Variants in SYTL5 observed in about 807,000 individuals in gnomAD.
SYTL5 encodes synaptotagmin like 5.
In SYTL5, 34 loss-of-function variants were observed where a neutral mutation model predicts 55.9. The ratio of observed to expected loss-of-function variants is 0.61; its 90% CI spans 0.46 to 0.81. The LOEUF is 0.81. Ranked by LOEUF, SYTL5 falls within the 30% of genes least tolerant of loss-of-function variation. The pLI is 0.00. For synonymous variants in SYTL5, 221 were observed against 188.7 expected, an observed-to-expected ratio of 1.17 and a Z score of -1.40; for missense variants, 637 against 546.7, an observed-to-expected ratio of 1.17 and a Z score of -1.65.
chrX:38,118,928 TATATATATATATGTACGCATATAC>T (rs1937535692), intron 13 of SYTL5, among the ~76,000 whole-genome samples: 1 of 93,894 alleles, frequency 1.1e-5, no homozygotes, highest in African/African-American at 4.1e-5. Flanking sequence ...CTAATATATA[TATATATATATATGTACGCATATAC>T]ATATATATAT....
At chrX:37,981,765 A>G in the SYTL5 span, among the ~76,000 whole-genome samples, 1 of 111,350 alleles carries the variant, frequency 9.0e-6, no homozygotes, top group Admixed American at 9.5e-5. Flanking sequence ...AGAGAAAAAG[A>G]GAGCTCTGCC....
At chrX:38,001,628 A>T (rs761204059), upstream of SYTL5, among the ~76,000 whole-genome samples, 4 of 111,506 alleles carry the variant, frequency 3.6e-5, no homozygotes, top group South Asian at 1.5e-3. Context: ...AAATGATAGG[A>T]TCTCATTCTT....
the SYTL5 span, among the ~76,000 whole-genome samples, chrX:37,911,270 C>A: frequency 9.0e-6 from 1 of 111,098 alleles, no homozygotes; most frequent in African/African-American, 3.3e-5. Flanking sequence ...CTGTGCCCGG[C>A]CAGCATTACA....
At chrX:37,944,265 G>C in the SYTL5 span, among the ~76,000 whole-genome samples, 1 of 109,980 alleles carries the variant, frequency 9.1e-6, no homozygotes, top group Non-Finnish European at 1.9e-5. Context: ...GGTCTGTTTT[G>C]GAAATGATGT....
rs186640526 is a variant in SYTL5 at position 38,072,574 on chromosome X, G to C, written c.445+412G>C. On this transcript the variant is annotated intron_variant, in intron 4 of 16. Coordinates refer to ENST00000297875, the MANE Select transcript of SYTL5 (RefSeq NM_138780.3). The stretch of plus-strand genomic sequence containing the variant: ...TTCAATGTTACTTTTTAAATCCAGT[G>C]GTTCTCAATCAAAGATTGATAATAT... Among the ~76,000 whole-genome samples the C allele has an allele frequency of 1.1e-4, 12 of 111,906 alleles. No homozygotes were observed. The Admixed American group carries it at 1.1e-3, about 11-fold the overall frequency.
chrX:37,945,108 G>T, the SYTL5 span, among the ~76,000 whole-genome samples: 5 of 112,936 alleles, frequency 4.4e-5, no homozygotes, highest in Non-Finnish European at 9.4e-5. Context: ...AGAGATATAG[G>T]TATAGTAATT....
the SYTL5 span, among the ~76,000 whole-genome samples, chrX:37,968,595 T>TA: frequency 8.9e-6 from 1 of 111,804 alleles, no homozygotes; most frequent in South Asian, 3.8e-4. Flanking sequence ...ATATCACAGT[T>TA]ATCATAAATC....
chrX:38,027,240 T>C lies in SYTL5; in HGVS notation c.-356-6294T>C, dbSNP rs913620497. Among the ~76,000 whole-genome samples, 12 of 112,252 alleles carry C rather than the reference T, an allele frequency of 1.1e-4. No individual in the cohort carries two copies. The East Asian group carries it at 3.3e-3, about 31-fold the overall frequency. ...TTACACAAAGAGTACAACTGCAATATATTCCACAACAGTAAAGCAAAATAA... is the reference window on the plus strand; with the variant it reads ...TTACACAAAGAGTACAACTGCAATACATTCCACAACAGTAAAGCAAAATAA... On this transcript the variant is annotated intron_variant, in intron 1 of 16. Transcript: ENST00000297875.
At chrX:38,120,075 G>A (rs1937552890) in intron 13 of SYTL5, among the ~76,000 whole-genome samples, 1 of 111,935 alleles carries the variant, frequency 8.9e-6, no homozygotes, top group Non-Finnish European at 1.9e-5. Flanking sequence ...ATGCATCACA[G>A]GTGCTCAATA....
At chrX:37,997,777 G>A in the SYTL5 span, among the ~76,000 whole-genome samples, 2 of 112,536 alleles carry the variant, frequency 1.8e-5, no homozygotes, top group Admixed American at 1.9e-4. Context: ...GGCCAGGAAG[G>A]GCCTGAAAGC....
At chrX:38,000,804 G>A in the SYTL5 span, among the ~76,000 whole-genome samples, 2 of 111,597 alleles carry the variant, frequency 1.8e-5, no homozygotes, top group Non-Finnish European at 3.8e-5. Flanking sequence ...GATGGAGTGG[G>A]AACGTGGTTT....
chrX:37,977,714 A>G, the SYTL5 span, among the ~76,000 whole-genome samples: 5 of 106,220 alleles, frequency 4.7e-5, no homozygotes, highest in South Asian at 2.2e-3. Context: ...ACACACACAC[A>G]CACACACACA....
the SYTL5 span, chrX:37,906,592 G>A: frequency 9.0e-6 from 1 of 111,666 alleles, no homozygotes; most frequent in Admixed American, 9.5e-5. Flanking sequence ...TCCAGCCCAG[G>A]ACATGCCAGC....
At chrX:37,973,748 C>T in the SYTL5 span, among the ~76,000 whole-genome samples, 1 of 110,567 alleles carries the variant, frequency 9.0e-6, no homozygotes, top group African/African-American at 3.3e-5. Context: ...GATTCTCCTG[C>T]CTCAGCCTCC....
chrX:38,125,484 A>G lies in SYTL5; in HGVS notation c.2028A>G (p.Gly676=). ...TTTCCAGCAACATCTTTCTGGGAGG[A>G]GTTCGTTTGAATTCTGGAAGTGGTG... ...EAFSSNIFLG[G]VRLNSGSGVS... The change falls in exon 16 of 17, where the codon GGA becomes GGG. Residue 676 remains glycine (G), a synonymous_variant. Transcript: ENST00000297875. 8.3e-7 allele frequency: 1 copy of G among 1,210,782 alleles called. No individual in the cohort carries two copies. Among genetic ancestry groups the G allele is most frequent in the Non-Finnish European group, 1.1e-6 (1 of 894,843 alleles).
At chrX:37,898,930 G>A in the SYTL5 span, among the ~76,000 whole-genome samples, 4 of 111,678 alleles carry the variant, frequency 3.6e-5, no homozygotes, top group African/African-American at 9.8e-5. Context: ...TCACCTAAGA[G>A]CCCACATTCT....
intron 1 of SYTL5, among the ~76,000 whole-genome samples, chrX:38,031,211 G>A (rs1016043287): frequency 1.2e-4 from 13 of 111,801 alleles, no homozygotes; most frequent in African/African-American, 4.2e-4. Flanking sequence ...ACTTGATAGA[G>A]TTTTGGCTAC....
chrX:37,895,454 T>TTCCTTCCCTCCC, the SYTL5 span, among the ~76,000 whole-genome samples: 7 of 82,837 alleles, frequency 8.5e-5, no homozygotes, highest in African/African-American at 4.0e-4. Context: ...CCTTCCTTCC[T>TTCCTTCCCTCCC]TCCCTCCCTC....
intron 6 of SYTL5, among the ~76,000 whole-genome samples, chrX:38,083,752 A>G (rs1936595250): frequency 1.0e-5 from 1 of 98,425 alleles, no homozygotes; most frequent in East Asian, 3.4e-4. Context: ...TTCTCCAAAG[A>G]GTTTAGTTTT....
Sources: allele counts gnomAD v4.1 joint callset (sites outside exome capture counted in the v4.1 genomes callset), GRCh38; gene constraint gnomAD v4.1.1; transcripts MANE v1.5; gene names NCBI Gene and HGNC (gene_info 2026-07-23, HGNC 2026-07-21).